AR: variants seen among roughly 807,000 people sequenced by gnomAD.
AR encodes dihydrotestosterone receptor.
In AR, 8 loss-of-function variants were observed where a neutral mutation model predicts 53.9. The ratio of observed to expected loss-of-function variants is 0.15; its 90% confidence interval spans 0.09 to 0.27. AR has a LOEUF of 0.27. AR is among the 10% of genes least tolerant of loss of function. The pLI, the probability that AR is intolerant of heterozygous loss-of-function variation, is 1.00. For synonymous variants in AR, 359 were observed against 316.4 expected (o/e 1.13, Z -1.43); for missense variants, 639 against 742.5 (o/e 0.86, Z 1.62).
intron 1 of AR, among the ~76,000 whole-genome samples, chrX:67,626,635 T>TA (rs1924664346): frequency 4.0e-5 from 4 of 99,591 alleles, no homozygotes; most frequent in African/African-American, 1.5e-4. Context: ...TATATATATA[T>TA]TTATTATTAT....
intron 1 of AR, among the ~76,000 whole-genome samples, chrX:67,556,393 A>C (rs752914587): frequency 9.0e-6 from 1 of 111,706 alleles, no homozygotes; most frequent in South Asian, 3.8e-4. Flanking sequence ...AAATTTATGA[A>C]TTTCTTAAGG....
At chrX:67,665,605 C>T (rs1927221940) in intron 2 of AR, among the ~76,000 whole-genome samples, 1 of 111,278 alleles carries the variant, frequency 9.0e-6, no homozygotes, top group Non-Finnish European at 1.9e-5. Context: ...TCCTATGCTC[C>T]TATGGGGTCC....
chrX:67,704,474 C>A (rs1286963294), intron 3 of AR, among the ~76,000 whole-genome samples: 1 of 111,837 alleles, frequency 8.9e-6, no homozygotes, highest in Non-Finnish European at 1.9e-5. Context: ...ATATCCTCTG[C>A]CCACTTTTTG....
At chrX:67,553,392 A>G (rs1221385191) in intron 1 of AR, among the ~76,000 whole-genome samples, 2 of 112,210 alleles carry the variant, frequency 1.8e-5, no homozygotes, top group Non-Finnish European at 3.8e-5. Context: ...TGGACTCTCA[A>G]CTATATTCAG....
At chrX:67,588,180 C>T (rs1569275981) in intron 1 of AR, among the ~76,000 whole-genome samples, 1 of 111,473 alleles carries the variant, frequency 9.0e-6, no homozygotes, top group South Asian at 3.8e-4. Flanking sequence ...ATCTTGGAGC[C>T]CATGTGTGTG....
chrX:67,562,270 A>G (rs1213508458), intron 1 of AR, among the ~76,000 whole-genome samples: 1 of 109,808 alleles, frequency 9.1e-6, no homozygotes, highest in Non-Finnish European at 1.9e-5. Flanking sequence ...AGCCTGAAAG[A>G]TATTTTCTTA....
chrX:67,650,457 A>C (rs1926282374), intron 2 of AR, among the ~76,000 whole-genome samples: 1 of 112,189 alleles, frequency 8.9e-6, no homozygotes, highest in Admixed American at 9.4e-5. Flanking sequence ...TTGTGAGGAT[A>C]AGAGTTAGAC....
intron 3 of AR, chrX:67,696,126 T>A (rs771232480): frequency 1.4e-6 from 1 of 731,069 alleles, no homozygotes; most frequent in Non-Finnish European, 1.6e-6. Context: ...GCTGTTAACA[T>A]TGGATCTTTT....
chrX:67,638,173 C>T (rs993559658), intron 1 of AR, among the ~76,000 whole-genome samples: 4 of 111,763 alleles, frequency 3.6e-5, no homozygotes, highest in Non-Finnish European at 5.6e-5. Flanking sequence ...TATATGGCTG[C>T]ACAATATTCC....
chrX:67,606,294 A>G (rs1165372428), intron 1 of AR, among the ~76,000 whole-genome samples: 1 of 111,498 alleles, frequency 9.0e-6, no homozygotes, highest in Non-Finnish European at 1.9e-5. Flanking sequence ...CTTGGATGAC[A>G]TGCTGAGGGG....
At chrX:67,618,332 G>T (rs1326797691) in intron 1 of AR, among the ~76,000 whole-genome samples, 2 of 111,538 alleles carry the variant, frequency 1.8e-5, no homozygotes, top group African/African-American at 6.5e-5. Flanking sequence ...TTCTTTGTCT[G>T]ATATAGTTTA....
chrX:67,583,655 A>T (rs1922392659), intron 1 of AR, among the ~76,000 whole-genome samples: 1 of 111,850 alleles, frequency 8.9e-6, no homozygotes, highest in Non-Finnish European at 1.9e-5. Context: ...TCAAGTCTTC[A>T]TGTACTTTGT....
In AR at chrX:67,726,016, C is replaced by T. The variant is rs139918933; in HGVS notation, c.*2175C>T. The T allele has an allele frequency of 5.7e-6, 1 of 174,496 alleles. No individual in the cohort carries two copies. The highest frequency in any genetic ancestry group is 8.1e-5 in the East Asian group (1 of 12,373). 14.4% of individuals were successfully genotyped at this position (174,496 alleles called of 1,213,427 possible). ...AAATCAAGGGCCAGTCATCAAGCTG[C>T]CCATTTTAATTGATTCACTCTGTTT... On this transcript the variant is annotated 3_prime_UTR_variant, in exon 8 of 8. Transcript: ENST00000374690.
chrX:67,562,097 T>G (rs1253519014), intron 1 of AR, among the ~76,000 whole-genome samples: 1 of 107,281 alleles, frequency 9.3e-6, no homozygotes, highest in Non-Finnish European at 1.9e-5. Context: ...ATACCACCAC[T>G]CCTGGGTAAT....
chrX:67,676,388 G>T (rs764814236), intron 2 of AR, among the ~76,000 whole-genome samples: 2 of 112,371 alleles, frequency 1.8e-5, no homozygotes, highest in South Asian at 7.3e-4. Context: ...ATAGTCTGTT[G>T]CAGAGATAAC....
At chrX:67,552,920 A>G (rs777412216) in intron 1 of AR, among the ~76,000 whole-genome samples, 1 of 112,127 alleles carries the variant, frequency 8.9e-6, no homozygotes, top group East Asian at 2.8e-4. Context: ...TTTAAAAAAT[A>G]TATTCTGGAT....
chrX:67,563,436 T>C (rs1019106531), intron 1 of AR, among the ~76,000 whole-genome samples: 1 of 111,751 alleles, frequency 8.9e-6, no homozygotes, highest in African/African-American at 3.3e-5. Context: ...AGATAATAAA[T>C]GTAAATATCT....
At chrX:67,619,709 T>C (rs138403780) in intron 1 of AR, among the ~76,000 whole-genome samples, 16 of 111,235 alleles carry the variant, frequency 1.4e-4, no homozygotes, top group Non-Finnish European at 2.5e-4. Flanking sequence ...GGTTAAAGTA[T>C]GTAGAGTGTA....
At chrX:67,607,705 A>G (rs1923694222) in intron 1 of AR, among the ~76,000 whole-genome samples, 1 of 112,125 alleles carries the variant, frequency 8.9e-6, no homozygotes, top group Non-Finnish European at 1.9e-5. Context: ...TAAAAGAACA[A>G]TTCATTCTCC....
Sources: allele counts gnomAD v4.1 joint callset (sites outside exome capture counted in the v4.1 genomes callset), GRCh38; gene constraint gnomAD v4.1.1; transcripts MANE v1.5; gene names NCBI Gene and HGNC (gene_info 2026-07-23, HGNC 2026-07-21).